Variants in MRPL1 observed in about 807,000 individuals in gnomAD.
MRPL1 encodes the protein mitochondrial ribosomal protein L1, also known as large ribosomal subunit protein uL1m.
In MRPL1, 28 loss-of-function variants were observed where a neutral mutation model predicts 38.0. The ratio of observed to expected loss-of-function variants is 0.74; its 90% CI spans 0.55 to 1.01. The LOEUF (loss-of-function observed/expected upper bound fraction) is 1.01, where lower values mean the gene tolerates loss of function less well. Among genes scored for constraint, MRPL1 ranks in the 50% least tolerant of loss-of-function variants. The pLI is 0.00. For missense variants in MRPL1, 358 were observed against 389.8 expected, an observed-to-expected ratio of 0.92 and a Z score of 0.69; for synonymous variants, 123 against 126.7, an observed-to-expected ratio of 0.97 and a Z score of 0.20.
At chr4:77,886,180 C>T (rs994509530) in intron 4 of MRPL1, among the ~76,000 whole-genome samples, 1 of 151,884 alleles carries the variant, frequency 6.6e-6, no homozygotes, top group African/African-American at 2.4e-5. Context: ...GCATTCAGTT[C>T]TTTTTTGAGA....
At position 77,900,028 on chromosome 4, in the gene MRPL1, A is replaced by C. The variant is rs141572039; in HGVS notation, c.670+5778A>C. Among the ~76,000 whole-genome samples, 6 of 152,336 alleles carry C rather than the reference A, an allele frequency of 3.9e-5. 1 individual carries two copies. In the East Asian group the frequency reaches 1.2e-3, roughly 29 times the overall value. On this transcript the variant is annotated intron_variant, in intron 6 of 8. Coordinates refer to ENST00000315567, the MANE Select transcript of MRPL1 (RefSeq NM_020236.4). ...TGTGCCTTATTTATTCATCTACAAA[A>C]TGAGTTTCATTATAACATCCATCCC...
Position 77,885,273 on chromosome 4 carries a change from T to TACCA in MRPL1, c.421_424dup (p.Ser142AsnfsTer5), listed in dbSNP as rs765371431. 2 of 1,613,630 alleles carry TACCA rather than the reference T, an allele frequency of 1.2e-6. No individual in the cohort carries two copies. Among genetic ancestry groups the TACCA allele is most frequent in the African/African-American group, 2.7e-5 (2 of 74,926 alleles). ...GTGTTTAGAAAAACGTGGAGCCATTTACCAGTGTTCTTAGTTTGCCATACC... is the reference window on the plus strand; with the variant it reads ...GTGTTTAGAAAAACGTGGAGCCATTTACCAACCAGTGTTCTTAGTTTGCCATACC... On this transcript the variant is annotated frameshift_variant, in exon 4 of 9. Coordinates refer to ENST00000315567, the MANE Select transcript of MRPL1 (RefSeq NM_020236.4). LOFTEE classifies it high-confidence loss of function.
At chr4:77,925,156 A>AT (rs1284752678) in intron 7 of MRPL1, among the ~76,000 whole-genome samples, 2 of 152,172 alleles carry the variant, frequency 1.3e-5, no homozygotes, top group Non-Finnish European at 2.9e-5. Flanking sequence ...AGTAACAGGC[A>AT]TTGTAGTACT....
chr4:77,865,021 C>G (rs1156555097), intron 1 of MRPL1, among the ~76,000 whole-genome samples: 1 of 151,732 alleles, frequency 6.6e-6, no homozygotes, highest in Non-Finnish European at 1.5e-5. Flanking sequence ...TCCCAAGTAG[C>G]TGGGATTACA....
chr4:77,918,207 G>A (rs910777953), intron 7 of MRPL1, among the ~76,000 whole-genome samples: 3 of 152,118 alleles, frequency 2.0e-5, no homozygotes, highest in African/African-American at 2.4e-5. Flanking sequence ...ATAAAGGGTC[G>A]TTCGTATTTC....
chr4:77,887,151 A>G, intron 4 of MRPL1, 69 bp from the exon 5 acceptor site: 2 of 1,207,272 alleles, frequency 1.7e-6, no homozygotes, highest in East Asian at 4.8e-5. Flanking sequence ...ATTTCTGACA[A>G]CATACTTCAA....
chr4:77,894,105 C>T (rs751618229), intron 5 of MRPL1, 34 bp from the exon 6 acceptor site: 4 of 1,204,832 alleles, frequency 3.3e-6, no homozygotes, highest in Non-Finnish European at 4.9e-6. Flanking sequence ...CTTTTCATCT[C>T]ATCTGAGGTC....
At chr4:77,893,197 C>CCT (rs1018844927) in intron 5 of MRPL1, among the ~76,000 whole-genome samples, 4 of 152,154 alleles carry the variant, frequency 2.6e-5, no homozygotes, top group African/African-American at 9.7e-5. Context: ...CTTACTGCAA[C>CCT]CTCTGCCTTC....
intron 7 of MRPL1, among the ~76,000 whole-genome samples, chr4:77,941,407 A>G (rs563283848): frequency 1.3e-5 from 2 of 152,210 alleles, no homozygotes; most frequent in South Asian, 4.1e-4. Flanking sequence ...AAGATTCCCT[A>G]TTTCTCTATC....
At chr4:77,938,156 A>C (rs936708855) in intron 7 of MRPL1, among the ~76,000 whole-genome samples, 3 of 152,230 alleles carry the variant, frequency 2.0e-5, no homozygotes, top group African/African-American at 7.2e-5. Context: ...GTTTTGTTAG[A>C]ATATAACTGT....
intron 6 of MRPL1, among the ~76,000 whole-genome samples, chr4:77,895,931 A>T (rs546852782): frequency 6.6e-6 from 1 of 152,282 alleles, no homozygotes; most frequent in South Asian, 2.1e-4. Context: ...GAATTTGATG[A>T]AAATATTTCT....
intron 7 of MRPL1, among the ~76,000 whole-genome samples, chr4:77,923,215 C>T (rs1736621141): frequency 1.3e-5 from 2 of 152,060 alleles, no homozygotes; most frequent in Admixed American, 1.3e-4. Context: ...CCTGCCTCAG[C>T]CTCCTGGGTA....
intron 6 of MRPL1, among the ~76,000 whole-genome samples, chr4:77,905,200 C>T (rs1422754283): frequency 6.6e-6 from 1 of 151,818 alleles, no homozygotes; most frequent in Non-Finnish European, 1.5e-5. Flanking sequence ...AGGTATTGTA[C>T]AAAAGAATAT....
chr4:77,908,969 A>T (rs1040049447), intron 6 of MRPL1, among the ~76,000 whole-genome samples: 4 of 152,232 alleles, frequency 2.6e-5, no homozygotes, highest in Non-Finnish European at 5.9e-5. Context: ...AGCTCACAGC[A>T]TTGCAGCTTG....
chr4:77,891,356 T>G lies in MRPL1; in HGVS notation c.559-2783T>G, dbSNP rs527602545. Among the ~76,000 whole-genome samples, 129 of 150,306 alleles carry G rather than the reference T, an allele frequency of 8.6e-4. 2 individuals carry two copies. Among genetic ancestry groups the G allele is most frequent in the African/African-American group, 2.9e-3 (118 of 41,040 alleles). ...TTTGGTTCAGTTTTTTTTGTTTTTT[T>G]TTTTTTTCATTTTTTTTGAGACAGT... On this transcript the variant is annotated intron_variant, in intron 5 of 8. Coordinates refer to ENST00000315567, the MANE Select transcript of MRPL1 (RefSeq NM_020236.4).
chr4:77,876,189 T>G (rs1165920537), intron 2 of MRPL1, among the ~76,000 whole-genome samples: 3 of 152,196 alleles, frequency 2.0e-5, no homozygotes, highest in East Asian at 1.9e-4. Flanking sequence ...GCCAGGCTGG[T>G]CTCAGACTGC....
In MRPL1 at chr4:77,906,841, A is replaced by G. The variant is rs185379053; in HGVS notation, c.671-2425A>G. On this transcript the variant is annotated intron_variant, in intron 6 of 8. Coordinates refer to ENST00000315567, the MANE Select transcript of MRPL1 (RefSeq NM_020236.4). ...CATCTTAACTGTTTACTAGTATACA[A>G]TTTTATCATATTGTTTAGTATTCAG... is the stretch of plus-strand genomic sequence containing the variant. The G allele has an allele frequency of 1.0e-5, 4 of 395,904 alleles. No individual in the cohort carries two copies. The East Asian group carries it at 4.9e-4, about 48-fold the overall frequency. The allele number at this position is 395,904 out of a possible 1,614,324, so 24.5% of individuals were successfully genotyped here. A position where few individuals can be genotyped will look rare whatever the true frequency, so the allele number is the denominator to read the frequency against.
chr4:77,938,964 T>C (rs1737055912), intron 7 of MRPL1, among the ~76,000 whole-genome samples: 1 of 152,150 alleles, frequency 6.6e-6, no homozygotes. Flanking sequence ...TGGTGTTTGG[T>C]TACAGGAGTA....
At chr4:77,930,098 C>G (rs1736811194) in intron 7 of MRPL1, among the ~76,000 whole-genome samples, 1 of 152,204 alleles carries the variant, frequency 6.6e-6, no homozygotes, top group Admixed American at 6.5e-5. Context: ...TTGTCCCCTT[C>G]TGTCGTCACC....
Sources: allele counts gnomAD v4.1 joint callset (sites outside exome capture counted in the v4.1 genomes callset), GRCh38; gene constraint gnomAD v4.1.1; transcripts MANE v1.5; gene names NCBI Gene and HGNC (gene_info 2026-07-23, HGNC 2026-07-21).